The following IQSEC3 variants were observed in gnomAD, a reference collection of about 807,000 sequenced individuals.
IQSEC3 encodes IQ motif and Sec7 domain ArfGEF 3.
Under a neutral mutation model 105.4 loss-of-function variants are expected in IQSEC3, and 50 were observed. The observed-to-expected ratio is 0.47, with a 90% CI of 0.38 to 0.60. IQSEC3 has a LOEUF of 0.60. Among genes scored for constraint, IQSEC3 ranks in the 20% least tolerant of loss-of-function variants. IQSEC3 has a pLI of 0.00. For missense variants in IQSEC3, 1,415 were observed against 1,630.0 expected (o/e 0.87, Z 2.27); for synonymous variants, 708 against 746.0 (o/e 0.95, Z 0.83).
intron 2 of IQSEC3, among the ~76,000 whole-genome samples, chr12:124,122 C>T (rs1460134809): frequency 7.9e-5 from 12 of 152,094 alleles, no homozygotes; most frequent in Non-Finnish European, 1.3e-4. Context: ...CACAGTGGCT[C>T]ACACCTGTAA....
chr12:163,053 C>T (rs1866970494), intron 8 of IQSEC3, among the ~76,000 whole-genome samples: 1 of 152,046 alleles, frequency 6.6e-6, no homozygotes, highest in Admixed American at 6.5e-5. Context: ...AGCCCTGGGA[C>T]AGGGGGTGAA....
intron 13 of IQSEC3, among the ~76,000 whole-genome samples, chr12:173,087 G>A (rs1459089416): frequency 1.3e-5 from 2 of 152,212 alleles, no homozygotes; most frequent in Non-Finnish European, 2.9e-5. Flanking sequence ...TCCTGGGGAG[G>A]AATTCAGAAT....
intron 2 of IQSEC3, among the ~76,000 whole-genome samples, chr12:107,486 T>G (rs377552841): frequency 7.5e-5 from 10 of 134,122 alleles, no homozygotes; most frequent in African/African-American, 2.8e-4. Context: ...CTCGGCTCAC[T>G]GCAAGCTCCG....
chr12:79,480 G>C (rs1240670230), intron 1 of IQSEC3, among the ~76,000 whole-genome samples: 1 of 152,112 alleles, frequency 6.6e-6, no homozygotes, highest in Non-Finnish European at 1.5e-5. Flanking sequence ...ACCCAGGCTG[G>C]AGTACAGTGG....
chr12:172,952 A>G (rs1939085209), intron 13 of IQSEC3, among the ~76,000 whole-genome samples: 1 of 152,098 alleles, frequency 6.6e-6, no homozygotes, highest in Non-Finnish European at 1.5e-5. Flanking sequence ...CAGGGAGAAG[A>G]AGGACGGCTC....
chr12:126,003 C>G (rs1485558799), intron 3 of IQSEC3, 91 bp downstream of exon 3: 5 of 1,283,612 alleles, frequency 3.9e-6, no homozygotes, highest in Non-Finnish European at 5.3e-6. Context: ...CCCGCTGGGT[C>G]CCCTCCGCTA....
In IQSEC3 at chr12:169,135, T is replaced by C. The variant is rs78449340; in HGVS notation, c.3064+30T>C. On this transcript the variant is annotated intron_variant, in intron 12 of 13. Coordinates refer to ENST00000538872, the MANE Select transcript of IQSEC3 (RefSeq NM_001170738.2). Reference sequence around the variant, plus strand: ...GCCTCGGCTCCGCTCAGGGCACCAGTCCCCATGGAGGCCACTCGGGGACCC... The same window carrying C: ...GCCTCGGCTCCGCTCAGGGCACCAGCCCCCATGGAGGCCACTCGGGGACCC... 2,406 of 1,598,032 alleles carry C rather than the reference T, an allele frequency of 1.5e-3. 10 individuals carry two copies. The highest frequency in any genetic ancestry group is 0.011 in the African/African-American group (796 of 74,740).
intron 3 of IQSEC3, among the ~76,000 whole-genome samples, chr12:136,102 C>A (rs913481292): frequency 3.9e-5 from 6 of 152,244 alleles, no homozygotes; most frequent in Non-Finnish European, 8.8e-5. Context: ...GAGCTTCCTC[C>A]TGCTCAGGGC....
chr12:149,476 A>G (rs555216476), intron 5 of IQSEC3, among the ~76,000 whole-genome samples: 1 of 152,250 alleles, frequency 6.6e-6, no homozygotes, highest in South Asian at 2.1e-4. Context: ...TAGAACTTCC[A>G]AAGGCACAGG....
chr12:67,695 A>G (rs1555066399), intron 1 of IQSEC3, among the ~76,000 whole-genome samples: 1 of 141,104 alleles, frequency 7.1e-6, no homozygotes, highest in African/African-American at 3.2e-5. Flanking sequence ...GGTGGGTGTT[A>G]AGCGATTGGT....
chr12:87,681 C>T (rs147512004), intron 1 of IQSEC3, among the ~76,000 whole-genome samples: 1 of 152,116 alleles, frequency 6.6e-6, no homozygotes, highest in East Asian at 1.9e-4. Flanking sequence ...GAGATTTGAG[C>T]ATGTTTATAT....
At chr12:141,875 C>A (rs1163040639) in intron 5 of IQSEC3, 1 of 152,322 alleles carries the variant, frequency 6.6e-6, no homozygotes, top group African/African-American at 2.4e-5. Flanking sequence ...GGGTGGGGAC[C>A]CCCAGGGGGC....
At chr12:90,849 C>T (rs1555073194) in intron 1 of IQSEC3, among the ~76,000 whole-genome samples, 1 of 152,132 alleles carries the variant, frequency 6.6e-6, no homozygotes, top group Admixed American at 6.5e-5. Context: ...ATAAGGGTTT[C>T]TTTTCTTCCT....
At chr12:106,164 G>A (rs879950873) in intron 2 of IQSEC3, among the ~76,000 whole-genome samples, 2 of 152,204 alleles carry the variant, frequency 1.3e-5, no homozygotes, top group Admixed American at 1.3e-4. Context: ...CCATTTTACA[G>A]ACAAGGAAAC....
chr12:103,131 C>T (rs1022461836), intron 2 of IQSEC3, among the ~76,000 whole-genome samples: 13 of 152,000 alleles, frequency 8.6e-5, no homozygotes, highest in African/African-American at 3.1e-4. Flanking sequence ...TATTCTGGGG[C>T]GCTGAATATG....
intron 8 of IQSEC3, among the ~76,000 whole-genome samples, chr12:162,833 T>G (rs3902269): frequency 0.31 from 47,014 of 152,078 alleles, 8,062 homozygotes; most frequent in Admixed American, 0.43. Context: ...CTCTGCAGTA[T>G]AGAAAGGGTG....
At chr12:103,879 CG>C (rs1453237655) in intron 2 of IQSEC3, among the ~76,000 whole-genome samples, 38 of 2,636 alleles carry the variant, frequency 0.014, 2 homozygotes, top group African/African-American at 0.057. Flanking sequence ...GGAGGGGAGG[CG>C]GGGGCTCGGG....
Position 139,171 on chromosome 12 carries a change from C to G in IQSEC3, c.1808C>G (p.Ser603Cys). 1 of 1,578,410 alleles carries G rather than the reference C, an allele frequency of 6.3e-7. No homozygotes were observed. The highest frequency in any genetic ancestry group is 1.2e-5 in the South Asian group (1 of 86,638). The change falls in exon 4 of 14, where the codon TCC becomes TGC. Residue 603 changes from serine (S) to cysteine (C), a missense_variant. Ser to Cys is a moderately radical substitution (Grantham distance 112). Coordinates refer to ENST00000538872, the MANE Select transcript of IQSEC3 (RefSeq NM_001170738.2). ...GAGCAGCTGAGCAGCAGCAGCACGTCCACCAAGTCCGCCAAGTCAGGCTCG... is the reference window on the plus strand; with the variant it reads ...GAGCAGCTGAGCAGCAGCAGCACGTGCACCAAGTCCGCCAAGTCAGGCTCG... ...DLEQLSSSSTSTKSAKSGSEA... is the reference protein window; with the variant it reads ...DLEQLSSSSTCTKSAKSGSEA...
chr12:118,294 C>G lies in IQSEC3; in HGVS notation c.624-7339C>G, dbSNP rs1247867267. ...CTGGCCTTCTGTTCACCTCCACCCC[C>G]CTCATGCCATCTGGGACCTCAAAAG... is the stretch of plus-strand genomic sequence containing the variant. On this transcript the variant is annotated intron_variant, in intron 2 of 13. Transcript: ENST00000538872. Among the ~76,000 whole-genome samples, 4 of 152,242 alleles carry G rather than the reference C, an allele frequency of 2.6e-5. No individual in the cohort carries two copies. The South Asian group carries it at 8.3e-4, about 32-fold the overall frequency.
Sources: gnomAD v4.1 joint callset for allele counts (sites outside exome capture counted in the v4.1 genomes callset) on GRCh38, gnomAD v4.1.1 for gene constraint, MANE v1.5 for transcripts, NCBI Gene and HGNC (gene_info 2026-07-23, HGNC 2026-07-21) for gene names.